The following RAPGEF4 variants were observed in gnomAD, a reference collection of about 807,000 sequenced individuals.
RAPGEF4 encodes RAP guanine-nucleotide-exchange factor (GEF) 4.
RAPGEF4 carries 66 observed loss-of-function variants against 147.9 expected under a neutral mutation model. That is an observed-to-expected ratio of 0.45 (90% CI 0.37 to 0.55). The LOEUF (loss-of-function observed/expected upper bound fraction) is 0.55, where lower values mean the gene tolerates loss of function less well. Among genes scored for constraint, RAPGEF4 ranks in the 20% least tolerant of loss-of-function variants. The pLI is 0.00. For synonymous variants in RAPGEF4, 419 were observed against 442.7 expected, an observed-to-expected ratio of 0.95 and a Z score of 0.67; for missense variants, 1,071 against 1,257.3, an observed-to-expected ratio of 0.85 and a Z score of 2.24.
rs1313577283 is a variant in RAPGEF4, at chr2:173,015,038, C to T, written c.1809+424C>T. ...ATGTCACAGATATATTTATGTGTTC[C>T]CTTATTGTTGAGTGTTCACATCATT... On this transcript the variant is annotated intron_variant, in intron 18 of 30. Coordinates refer to ENST00000397081, the MANE Select transcript of RAPGEF4 (RefSeq NM_007023.4). Among the ~76,000 whole-genome samples the T allele has an allele frequency of 2.0e-5, 3 of 152,052 alleles. No individual in the cohort carries two copies. In the East Asian group the frequency reaches 5.8e-4, roughly 29 times the overall value.
chr2:172,831,266 C>CTTTTTTTTTTGTTTTTTTTTTTTTTT (rs1690283634), intron 4 of RAPGEF4, among the ~76,000 whole-genome samples: 1 of 53,876 alleles, frequency 1.9e-5, no homozygotes, highest in Non-Finnish European at 3.6e-5. Flanking sequence ...AGATAGAAAA[C>CTTTTTTTTTTGTTTTTTTTTTTTTTT]TTTTTTTTTT....
chr2:172,972,106 A>G (rs1690551494), intron 10 of RAPGEF4, among the ~76,000 whole-genome samples: 1 of 151,956 alleles, frequency 6.6e-6, no homozygotes, highest in Non-Finnish European at 1.5e-5. Flanking sequence ...TGGGGAGGGT[A>G]TTGTTTATCC....
intron 4 of RAPGEF4, among the ~76,000 whole-genome samples, chr2:172,823,517 C>T (rs556165237): frequency 2.6e-5 from 4 of 152,252 alleles, no homozygotes; most frequent in Non-Finnish European, 5.9e-5. Context: ...AGAAGGAACT[C>T]GTGGTGAGGA....
chr2:172,769,884 C>T (rs1697196135), intron 1 of RAPGEF4, among the ~76,000 whole-genome samples: 1 of 152,022 alleles, frequency 6.6e-6, no homozygotes, highest in Non-Finnish European at 1.5e-5. Context: ...TTTGTATTTG[C>T]AAAATCTGGC....
chr2:172,876,731 C>T (rs1444210985), intron 4 of RAPGEF4, among the ~76,000 whole-genome samples: 3 of 152,086 alleles, frequency 2.0e-5, no homozygotes, highest in Admixed American at 1.3e-4. Flanking sequence ...GTGTCTCTGC[C>T]GGGCTTTGGT....
At chr2:173,035,236 C>T (rs1438107311) in intron 27 of RAPGEF4, among the ~76,000 whole-genome samples, 5 of 151,876 alleles carry the variant, frequency 3.3e-5, no homozygotes, top group East Asian at 2.0e-4. Flanking sequence ...CGGCCAGGCA[C>T]GGTGGCTCAC....
intron 6 of RAPGEF4, among the ~76,000 whole-genome samples, chr2:172,943,904 A>G (rs917330183): frequency 4.6e-5 from 7 of 152,198 alleles, no homozygotes; most frequent in Admixed American, 2.0e-4. Flanking sequence ...TTAACCTCCT[A>G]ATGATAATTA....
At chr2:172,823,406 G>A (rs1689296281) in intron 4 of RAPGEF4, among the ~76,000 whole-genome samples, 1 of 152,180 alleles carries the variant, frequency 6.6e-6, no homozygotes, top group South Asian at 2.1e-4. Context: ...TTTGTTTTTT[G>A]TTGTTCAGCC....
chr2:172,751,179 T>C (rs1356761138), intron 1 of RAPGEF4, among the ~76,000 whole-genome samples: 1 of 152,236 alleles, frequency 6.6e-6, no homozygotes, highest in African/African-American at 2.4e-5. Flanking sequence ...AGGATCTGAT[T>C]GTAGTAATTT....
chr2:172,750,820 T>TAAA, intron 1 of RAPGEF4, among the ~76,000 whole-genome samples: 1 of 152,354 alleles, frequency 6.6e-6, no homozygotes, highest in Non-Finnish European at 1.5e-5. Context: ...TTTTGCCTGT[T>TAAA]AAAAAAGTCA....
Position 172,968,706 on chromosome 2 carries a change from G to A in RAPGEF4, c.1004+1262G>A, listed in dbSNP as rs142203934. 5.9e-5 allele frequency among the ~76,000 whole-genome samples: 9 copies of A among 152,288 alleles called. No individual in the cohort carries two copies. The East Asian group carries it at 1.7e-3, about 29-fold the overall frequency. On this transcript the variant is annotated intron_variant, in intron 10 of 30. Coordinates refer to ENST00000397081, the MANE Select transcript of RAPGEF4 (RefSeq NM_007023.4). ...ATCCAAAACATCAAACAAAGCTAGA[G>A]CTTCACTGACATAAGCAGGAGTGGG...
chr2:172,776,489 C>T (rs547383407), intron 1 of RAPGEF4, among the ~76,000 whole-genome samples: 1 of 152,216 alleles, frequency 6.6e-6, no homozygotes, highest in South Asian at 2.1e-4. Context: ...GGAAAATTTT[C>T]ATCCATTATT....
chr2:173,004,148 A>G (rs1243344920), intron 17 of RAPGEF4, among the ~76,000 whole-genome samples: 2 of 152,176 alleles, frequency 1.3e-5, no homozygotes, highest in African/African-American at 4.8e-5. Context: ...TTCTTAATCC[A>G]CATTGTGTGT....
Position 172,801,942 on chromosome 2 carries a change from C to T in RAPGEF4, c.297+4329C>T, listed in dbSNP as rs189868150. Among the ~76,000 whole-genome samples, 27 of 152,192 alleles carry T rather than the reference C, an allele frequency of 1.8e-4. 1 individual carries two copies. Among genetic ancestry groups the T allele is most frequent in the East Asian group, 7.7e-4 (4 of 5,172 alleles). On this transcript the variant is annotated intron_variant, in intron 3 of 30. Transcript: ENST00000397081. ...TCCTCCTACCCTCTCTTTGATCTGG[C>T]GATGCACAGTGAAAGGGGTGTGGCC...
chr2:172,767,088 G>A (rs1009248337), intron 1 of RAPGEF4, among the ~76,000 whole-genome samples: 3 of 151,872 alleles, frequency 2.0e-5, no homozygotes, highest in South Asian at 2.1e-4. Flanking sequence ...TTTTATATAC[G>A]GTCATAGGTC....
chr2:172,899,724 G>A (rs988742017), intron 4 of RAPGEF4, among the ~76,000 whole-genome samples: 2 of 152,080 alleles, frequency 1.3e-5, no homozygotes, highest in South Asian at 2.1e-4. Context: ...ACAAAAAATC[G>A]GACAGCTGAT....
intron 1 of RAPGEF4, among the ~76,000 whole-genome samples, chr2:172,766,119 G>T (rs1373959494): frequency 6.6e-6 from 1 of 151,908 alleles, no homozygotes; most frequent in Non-Finnish European, 1.5e-5. Context: ...GCAGATTTAT[G>T]ATATCTTATT....
chr2:172,872,720 T>C (rs1695386864), intron 4 of RAPGEF4, among the ~76,000 whole-genome samples: 1 of 152,140 alleles, frequency 6.6e-6, no homozygotes, highest in Non-Finnish European at 1.5e-5. Context: ...CCCTTCACCT[T>C]TCTCCTTGAT....
chr2:172,956,712 T>C (rs1688778585), intron 6 of RAPGEF4, among the ~76,000 whole-genome samples: 1 of 152,174 alleles, frequency 6.6e-6, no homozygotes, highest in Non-Finnish European at 1.5e-5. Flanking sequence ...CCTCGTGATC[T>C]GCCCGCCTCA....
Sources: gnomAD v4.1 joint callset for allele counts (sites outside exome capture counted in the v4.1 genomes callset) on GRCh38, gnomAD v4.1.1 for gene constraint, MANE v1.5 for transcripts, NCBI Gene and HGNC (gene_info 2026-07-23, HGNC 2026-07-21) for gene names.